The following ASIC2 variants were observed in gnomAD, a reference collection of about 807,000 sequenced individuals.
ASIC2 encodes acid-sensing ion channel 2.
ASIC2 carries 25 observed loss-of-function variants against 57.3 expected under a neutral mutation model. The observed-to-expected ratio is 0.44, with a 90% CI of 0.32 to 0.61. The LOEUF (loss-of-function observed/expected upper bound fraction) is 0.61, where lower values mean the gene tolerates loss of function less well. Ranked by LOEUF, ASIC2 falls within the 20% of genes least tolerant of loss-of-function variation. The probability of loss-of-function intolerance (pLI) is 0.06; values close to 1 mark genes in which losing one functional copy is unlikely to be tolerated. For missense variants in ASIC2, 641 were observed against 738.1 expected, an observed-to-expected ratio of 0.87 and a Z score of 1.52; for synonymous variants, 319 against 307.5, an observed-to-expected ratio of 1.04 and a Z score of -0.39.
At chr17:33,713,120 G>T (rs144287884) in intron 1 of ASIC2, among the ~76,000 whole-genome samples, 1 of 152,266 alleles carries the variant, frequency 6.6e-6, no homozygotes, top group Non-Finnish European at 1.5e-5. Context: ...TCATGCTTGC[G>T]CTATTTATTA....
chr17:33,033,577 T>G (rs2091895218), intron 3 of ASIC2, among the ~76,000 whole-genome samples: 1 of 152,152 alleles, frequency 6.6e-6, no homozygotes, highest in South Asian at 2.1e-4. Flanking sequence ...CCCTGCAGGC[T>G]GGTGGGTGAC....
Position 33,697,848 on chromosome 17 carries a change from G to A in ASIC2, c.555+458130C>T, listed in dbSNP as rs148592689. The stretch of plus-strand genomic sequence containing the variant: ...ACCATGAAAAGAACTCTGACTGTCA[G>A]TGACAAGAGACTGGGGCCCAGAGTG... On this transcript the variant is annotated intron_variant, in intron 1 of 9. Coordinates refer to the ASIC2 transcript ENST00000359872. Among the ~76,000 whole-genome samples, 118 of 152,350 alleles carry A rather than the reference G, an allele frequency of 7.7e-4. 2 individuals are homozygous for A. Among genetic ancestry groups the A allele is most frequent in the African/African-American group, 2.7e-3 (111 of 41,574 alleles).
rs1322664079 is a variant in ASIC2 at position 33,662,734 on chromosome 17, C to T, written c.555+493244G>A. Reference sequence around the variant, plus strand: ...TACTGTTTCCTCCCTCCCTCCCTCCCTCCTTCCCTCCCTTCCTTCCTTCCT... The same window carrying T: ...TACTGTTTCCTCCCTCCCTCCCTCCTTCCTTCCCTCCCTTCCTTCCTTCCT... On this transcript the variant is annotated intron_variant, in intron 1 of 9. Transcript: ENST00000359872. Among the ~76,000 whole-genome samples, 7 of 150,284 alleles carry T rather than the reference C, an allele frequency of 4.7e-5. No individual in the cohort carries two copies. The East Asian group carries it at 7.8e-4, about 17-fold the overall frequency.
chr17:33,139,573 T>C (rs776345230), intron 1 of ASIC2, among the ~76,000 whole-genome samples: 1 of 152,200 alleles, frequency 6.6e-6, no homozygotes, highest in Non-Finnish European at 1.5e-5. Flanking sequence ...ACATCTCTTA[T>C]CTGGGCTACT....
intron 1 of ASIC2, among the ~76,000 whole-genome samples, chr17:33,316,416 T>C (rs547595187): frequency 6.6e-6 from 1 of 152,332 alleles, no homozygotes; most frequent in South Asian, 2.1e-4. Context: ...TATTGACCTG[T>C]CCATGCATAT....
chr17:33,488,217 T>A (rs1301791812), intron 1 of ASIC2, among the ~76,000 whole-genome samples: 1 of 152,144 alleles, frequency 6.6e-6, no homozygotes, highest in Non-Finnish European at 1.5e-5. Context: ...TCCCCCACCC[T>A]GTTTGCTTTC....
At chr17:33,213,109 T>C (rs780711825) in intron 1 of ASIC2, among the ~76,000 whole-genome samples, 1 of 152,220 alleles carries the variant, frequency 6.6e-6, no homozygotes, top group Non-Finnish European at 1.5e-5. Context: ...TCATTCAGCT[T>C]TTATGAAAGC....
At chr17:34,032,309 T>C (rs1597983577) in intron 1 of ASIC2, among the ~76,000 whole-genome samples, 1 of 152,130 alleles carries the variant, frequency 6.6e-6, no homozygotes, top group South Asian at 2.1e-4. Flanking sequence ...GACAAGCAAA[T>C]GCTGAGAGAT....
At chr17:33,727,234 A>G (rs1257919075) in intron 1 of ASIC2, among the ~76,000 whole-genome samples, 1 of 152,140 alleles carries the variant, frequency 6.6e-6, no homozygotes, top group Non-Finnish European at 1.5e-5. Context: ...GAGGTTGGAG[A>G]TTTTCCAGGA....
Position 33,839,274 on chromosome 17 carries a change from C to T in ASIC2, c.555+316704G>A, listed in dbSNP as rs959600613. The stretch of plus-strand genomic sequence containing the variant: ...ATAGAGTTACTGACAGAAGCAGATG[C>T]TTCAGAGACTAGCACAACAGGTGGG... On this transcript the variant is annotated intron_variant, in intron 1 of 9. Coordinates refer to the ASIC2 transcript ENST00000359872. Among the ~76,000 whole-genome samples the T allele has an allele frequency of 2.0e-5, 3 of 152,290 alleles. No homozygotes were observed. In the South Asian group the frequency reaches 6.2e-4, roughly 32 times the overall value.
chr17:33,873,572 C>G (rs759254162), intron 1 of ASIC2, among the ~76,000 whole-genome samples: 5 of 152,154 alleles, frequency 3.3e-5, no homozygotes, highest in Non-Finnish European at 4.4e-5. Flanking sequence ...CTTTACCTCT[C>G]TGAGCCTCAA....
chr17:33,312,892 C>T (rs982780144), intron 1 of ASIC2, among the ~76,000 whole-genome samples: 4 of 152,176 alleles, frequency 2.6e-5, no homozygotes, highest in Non-Finnish European at 5.9e-5. Context: ...GCTGAGATTG[C>T]ACCATTGCAC....
chr17:33,704,172 G>GAGAAAA (rs1908792988), intron 1 of ASIC2, among the ~76,000 whole-genome samples: 1 of 152,160 alleles, frequency 6.6e-6, no homozygotes, highest in Non-Finnish European at 1.5e-5. Flanking sequence ...CATTAGCATT[G>GAGAAAA]TAATTGGACT....
At chr17:33,742,413 C>T (rs1287758152) in intron 1 of ASIC2, among the ~76,000 whole-genome samples, 1 of 152,116 alleles carries the variant, frequency 6.6e-6, no homozygotes, top group Non-Finnish European at 1.5e-5. Flanking sequence ...ATCCCCACTC[C>T]CCAACTGGAA....
chr17:33,325,044 C>T (rs114972693), intron 1 of ASIC2, among the ~76,000 whole-genome samples: 4,588 of 152,234 alleles, frequency 0.03, 234 homozygotes, highest in African/African-American at 0.1. Flanking sequence ...TGATGCTTTC[C>T]GCCTGACATG....
At chr17:33,798,773 T>C (rs778804283) in intron 1 of ASIC2, among the ~76,000 whole-genome samples, 4 of 152,186 alleles carry the variant, frequency 2.6e-5, no homozygotes, top group Admixed American at 6.5e-5. Context: ...TTCCACTATC[T>C]AATGCAAATC....
intron 1 of ASIC2, among the ~76,000 whole-genome samples, chr17:33,476,897 T>C (rs1913247810): frequency 6.6e-6 from 1 of 152,160 alleles, no homozygotes; most frequent in Non-Finnish European, 1.5e-5. Context: ...GGTTTGCATA[T>C]AGGACTTTTC....
At chr17:33,966,073 A>G (rs1013782453) in intron 1 of ASIC2, among the ~76,000 whole-genome samples, 3 of 152,228 alleles carry the variant, frequency 2.0e-5, no homozygotes, top group Non-Finnish European at 4.4e-5. Context: ...GCTATTGTTC[A>G]AGGCATTTTA....
intron 1 of ASIC2, among the ~76,000 whole-genome samples, chr17:33,832,646 C>T (rs947829593): frequency 2.0e-5 from 3 of 152,240 alleles, no homozygotes; most frequent in African/African-American, 7.2e-5. Flanking sequence ...TTACCGCTGT[C>T]ACCTGTTAAA....
Sources: gnomAD v4.1 joint callset for allele counts (sites outside exome capture counted in the v4.1 genomes callset) on GRCh38, gnomAD v4.1.1 for gene constraint, MANE v1.5 for transcripts, NCBI Gene and HGNC (gene_info 2026-07-23, HGNC 2026-07-21) for gene names.